Variants in SDK2 observed in about 807,000 individuals in gnomAD.
SDK2 encodes the protein sidekick cell adhesion molecule 2, also known as protein sidekick-2.
A neutral mutation model predicts 253.9 loss-of-function variants in SDK2; 105 were observed. The ratio of observed to expected loss-of-function variants is 0.41; its 90% CI spans 0.35 to 0.49. The LOEUF is 0.49. SDK2 is among the 20% of genes least tolerant of loss of function. The pLI, the probability that SDK2 is intolerant of heterozygous loss-of-function variation, is 0.06. For missense variants in SDK2, 2,608 were observed against 3,003.0 expected (o/e 0.87, Z 3.07); for synonymous variants, 1,249 against 1,234.9 (o/e 1.01, Z -0.24).
At chr17:73,441,797 C>A (rs1399616280) in intron 5 of SDK2, among the ~76,000 whole-genome samples, 1 of 152,138 alleles carries the variant, frequency 6.6e-6, no homozygotes, top group East Asian at 1.9e-4. Context: ...TCTCCCTGAC[C>A]AGGAACCTCA....
chr17:73,431,556 G>A lies in SDK2; in HGVS notation c.1426C>T (p.Leu476=), dbSNP rs1286552658. 7 of 1,613,832 alleles carry A rather than the reference G, an allele frequency of 4.3e-6. No homozygotes were observed. Among genetic ancestry groups the A allele is most frequent in the Non-Finnish European group, 5.9e-6 (7 of 1,179,806 alleles). The change falls in exon 11 of 45, where the codon CTG becomes TTG. Residue 476 remains leucine (L), a synonymous_variant. Coordinates refer to ENST00000392650, the MANE Select transcript of SDK2 (RefSeq NM_001144952.2). The surrounding 1 kb of genome is among the most constrained non-coding windows in gnomAD (Gnocchi z 5.6). ...HISDAGTYTC[L]ATNSRGVDEA... Reference sequence around the variant, plus strand: ...TCGACCCCCCGAGAGTTGGTGGCCAGGCAGGTGTAGGTCCCCGCATCGGAG... The same window carrying A: ...TCGACCCCCCGAGAGTTGGTGGCCAAGCAGGTGTAGGTCCCCGCATCGGAG...
At chr17:73,537,104 T>C (rs150694797) in intron 1 of SDK2, among the ~76,000 whole-genome samples, 2 of 152,226 alleles carry the variant, frequency 1.3e-5, no homozygotes, top group Non-Finnish European at 2.9e-5. Context: ...TCACGACGCA[T>C]GTGCGTGCGT....
Position 73,415,965 on chromosome 17 carries a change from C to T in SDK2, c.2214G>A (p.Gly738=). The change falls in exon 17 of 45, where the codon GGG becomes GGA. Residue 738 remains glycine, a synonymous_variant. Coordinates refer to ENST00000392650, the MANE Select transcript of SDK2 (RefSeq NM_001144952.2). The part of the protein sequence containing the change: ...IRYCLAGLPV[G]YQFKNITDAD... ...CATCCGTGATGTTCTTAAACTGGTACCCCACGGGCAGCCCGGCCAGGCAGT... is the reference window on the plus strand; with the variant it reads ...CATCCGTGATGTTCTTAAACTGGTATCCCACGGGCAGCCCGGCCAGGCAGT... 1 of 1,611,368 alleles carries T rather than the reference C, an allele frequency of 6.2e-7. No homozygotes were observed. Among genetic ancestry groups the T allele is most frequent in the Non-Finnish European group, 8.5e-7 (1 of 1,178,996 alleles).
intron 36 of SDK2, among the ~76,000 whole-genome samples, chr17:73,369,896 G>A (rs1441794772): frequency 2.6e-5 from 4 of 152,158 alleles, no homozygotes; most frequent in Non-Finnish European, 5.9e-5. Flanking sequence ...CGCCCGCCTC[G>A]GCCTCCCAAA....
rs747854779 is a variant in SDK2 at position 73,352,564 on chromosome 17, G to A, written c.5667C>T (p.Ile1889=). ...EVSSYTFSMD[I]LKPGVSYDFR... ...AGTCATAGCTCACGCCCGGCTTCAG[G>A]ATGTCCATGCTGAACGTGTAGGAGC... Residue 1889 remains isoleucine, a synonymous_variant, in exon 41 of 45, where the codon ATC becomes ATT. Coordinates refer to ENST00000392650, the MANE Select transcript of SDK2 (RefSeq NM_001144952.2). The surrounding 1 kb of genome is among the most constrained non-coding windows in gnomAD (Gnocchi z 4.1). 6.8e-6 allele frequency: 11 copies of A among 1,613,946 alleles called. No homozygotes were observed. Among genetic ancestry groups the A allele is most frequent in the Non-Finnish European group, 9.3e-6 (11 of 1,179,900 alleles).
intron 44 of SDK2, among the ~76,000 whole-genome samples, chr17:73,342,614 G>A (rs1314214372): frequency 6.6e-6 from 1 of 152,220 alleles, no homozygotes; most frequent in Non-Finnish European, 1.5e-5. Context: ...GTTAGCATCA[G>A]CTCCAGGGGT....
chr17:73,358,793 GA>G (rs1278088563), intron 39 of SDK2, among the ~76,000 whole-genome samples: 1 of 152,140 alleles, frequency 6.6e-6, no homozygotes, highest in Admixed American at 6.5e-5. Flanking sequence ...GACAAGGGGA[GA>G]GGGGGTTTAT....
At chr17:73,563,823 AG>A (rs1192814359) in intron 1 of SDK2, among the ~76,000 whole-genome samples, 1 of 150,874 alleles carries the variant, frequency 6.6e-6, no homozygotes, top group Non-Finnish European at 1.5e-5. Flanking sequence ...TCCAGGCTGG[AG>A]TGCGATGGCA....
At chr17:73,347,021 T>C (rs1442661255) in intron 44 of SDK2, among the ~76,000 whole-genome samples, 1 of 152,204 alleles carries the variant, frequency 6.6e-6, no homozygotes, top group Non-Finnish European at 1.5e-5. Flanking sequence ...GAGCTGCTTC[T>C]CACGTGGCTG....
chr17:73,602,007 G>A (rs1381733342), intron 1 of SDK2, among the ~76,000 whole-genome samples: 1 of 152,234 alleles, frequency 6.6e-6, no homozygotes, highest in Admixed American at 6.5e-5. Flanking sequence ...GCCTCCCAAA[G>A]TGCTGGGATT....
chr17:73,403,154 G>C (rs894128384), intron 18 of SDK2, among the ~76,000 whole-genome samples: 8 of 152,186 alleles, frequency 5.3e-5, no homozygotes, highest in African/African-American at 1.9e-4. Flanking sequence ...CACACAGGTA[G>C]GGGGAAGCTG....
intron 36 of SDK2, 85 bp from the exon 37 acceptor site, chr17:73,368,678 C>T: frequency 8.4e-7 from 1 of 1,191,128 alleles, no homozygotes; most frequent in East Asian, 2.7e-5. Context: ...GTCTCAGAGA[C>T]ACCTTCATTG....
At chr17:73,567,410 C>A (rs2045327526) in intron 1 of SDK2, among the ~76,000 whole-genome samples, 1 of 151,068 alleles carries the variant, frequency 6.6e-6, no homozygotes, top group Non-Finnish European at 1.5e-5. Context: ...GGCGGAGCCC[C>A]CACAGAAGGC....
At chr17:73,369,339 AC>A in intron 36 of SDK2, 2 of 275,384 alleles carry the variant, frequency 7.3e-6, no homozygotes, top group East Asian at 9.1e-5. Flanking sequence ...TCTCAGGGCC[AC>A]CCCGGGCCCG....
chr17:73,463,305 T>C (rs180852991), intron 3 of SDK2, among the ~76,000 whole-genome samples: 59 of 152,336 alleles, frequency 3.9e-4, no homozygotes, highest in Admixed American at 1.4e-3. Context: ...GTCTTTGTCA[T>C]ATCTTAAAAG....
intron 42 of SDK2, 116 bp downstream of exon 42, chr17:73,350,534 C>T (rs1213318854): frequency 3.8e-5 from 53 of 1,408,486 alleles, no homozygotes; most frequent in Non-Finnish European, 4.7e-5. Context: ...GCCCCACCCA[C>T]CAGAGCAGGT....
intron 27 of SDK2, among the ~76,000 whole-genome samples, chr17:73,392,110 G>A (rs1158896969): frequency 6.6e-6 from 1 of 152,050 alleles, no homozygotes; most frequent in East Asian, 1.9e-4. Context: ...GGAAGGCCAA[G>A]CGGTAGCTAT....
intron 1 of SDK2, among the ~76,000 whole-genome samples, chr17:73,584,440 C>T (rs183895045): frequency 5.8e-4 from 88 of 152,314 alleles, no homozygotes; most frequent in African/African-American, 2.0e-3. Context: ...CCCTGATGCC[C>T]GGGTATAGGA....
intron 2 of SDK2, among the ~76,000 whole-genome samples, chr17:73,503,195 G>T (rs1345045087): frequency 6.6e-6 from 1 of 152,230 alleles, no homozygotes; most frequent in African/African-American, 2.4e-5. Flanking sequence ...CCCCGATTAG[G>T]TCCGGCGTTG....
Sources: allele counts gnomAD v4.1 joint callset (sites outside exome capture counted in the v4.1 genomes callset), GRCh38; gene constraint gnomAD v4.1.1; non-coding constraint Gnocchi (gnomAD v3.1); transcripts MANE v1.5; gene names NCBI Gene and HGNC (gene_info 2026-07-23, HGNC 2026-07-21).